Variants in KIF25 observed in about 807,000 individuals in gnomAD.
KIF25 encodes the protein kinesin family member 25.
Under a neutral mutation model 32.9 loss-of-function variants are expected in KIF25, and 19 were observed. The ratio of observed to expected loss-of-function variants is 0.58; its 90% CI spans 0.40 to 0.85. The LOEUF is 0.85. Among genes scored for constraint, KIF25 ranks in the 40% least tolerant of loss-of-function variants. The pLI is 0.00. For synonymous variants in KIF25, 225 were observed against 213.7 expected (o/e 1.05, Z -0.46); for missense variants, 485 against 507.0 (o/e 0.96, Z 0.42).
intron 5 of KIF25, among the ~76,000 whole-genome samples, chr6:168,022,001 T>C (rs1227380662): frequency 6.6e-6 from 1 of 152,262 alleles, no homozygotes; most frequent in Non-Finnish European, 1.5e-5. Flanking sequence ...TTTGTTTGTT[T>C]TATTTTATTT....
intron 10 of KIF25, among the ~76,000 whole-genome samples, chr6:168,040,674 T>A (rs1799106391): frequency 6.6e-6 from 1 of 151,932 alleles, no homozygotes; most frequent in African/African-American, 2.4e-5. Flanking sequence ...AGTATCTGCA[T>A]CCCAAACCCA....
rs200153522 is a variant in KIF25, at chr6:168,029,689, C to T, written c.92+12C>T. The T allele has an allele frequency of 1.0e-5, 16 of 1,600,584 alleles. No individual in the cohort carries two copies. In the East Asian group the frequency reaches 1.6e-4, roughly 16 times the overall value. On this transcript the variant is annotated intron_variant, in intron 6 of 12. Coordinates refer to ENST00000643607, the MANE Select transcript of KIF25 (RefSeq NM_030615.4). ...GACAAGGACCTCAGGTCAGCTTCAG[C>T]GTGAGAAGCAGGCCAGGCCTGGGTC...
chr6:168,044,886 C>A lies in KIF25; in HGVS notation c.1045C>A (p.Gln349Lys), dbSNP rs376496037. The A allele has an allele frequency of 5.0e-6, 8 of 1,612,774 alleles. No homozygotes were observed. Among genetic ancestry groups the A allele is most frequent in the African/African-American group, 2.7e-5 (2 of 75,042 alleles). The change falls in exon 13 of 13, where the codon CAG (glutamine) becomes AAG (lysine). Residue 349 changes from glutamine to lysine, a missense_variant. Physicochemically the swap from Gln to Lys is moderately conservative, Grantham distance 53. Around this residue, in one of 2 missense-constraint regions of KIF25, gnomAD observed 480 missense variants for 470.3 expected, o/e 1.02. Transcript: ENST00000643607. ...CISPSQRHLA[Q>K]TLQGLGFGIR... ...TTCTCCCAGCCAGAGGCACCTGGCA[C>A]AGACGTTGCAGGGCCTGGGTTTCGG...
intron 4 of KIF25, among the ~76,000 whole-genome samples, chr6:168,011,486 A>AT (rs1159065259): frequency 6.6e-6 from 1 of 151,948 alleles, no homozygotes; most frequent in Non-Finnish European, 1.5e-5. Flanking sequence ...TGGCTGAATT[A>AT]TTTTTTTCTT....
In KIF25 at chr6:168,044,812, T is replaced by C. The variant is rs1022837831; in HGVS notation, c.986-15T>C. 2.0e-5 allele frequency: 32 copies of C among 1,565,598 alleles called. No homozygotes were observed. Among genetic ancestry groups the C allele is most frequent in the Non-Finnish European group, 2.7e-5 (31 of 1,152,036 alleles). On this transcript the variant is annotated splice_polypyrimidine_tract_variant and intron_variant, in intron 12 of 12. Coordinates refer to ENST00000643607, the MANE Select transcript of KIF25 (RefSeq NM_030615.4). The stretch of plus-strand genomic sequence containing the variant: ...CTCTTCTTTCCAGCTTGCATGTTGT[T>C]TTTCTATTTTAAAGGAGGCGATGCG...
At chr6:168,023,274 T>C (rs1483320341) in intron 5 of KIF25, among the ~76,000 whole-genome samples, 1 of 147,484 alleles carries the variant, frequency 6.8e-6, no homozygotes, top group East Asian at 2.0e-4. Context: ...TCTTCCTTTT[T>C]TTTTTTTTTT....
Position 168,044,924 on chromosome 6 carries a change from G to A in KIF25, c.1083G>A (p.Arg361=). 1 of 1,613,088 alleles carries A rather than the reference G, an allele frequency of 6.2e-7. No homozygotes were observed. The highest frequency in any genetic ancestry group is 8.5e-7 in the Non-Finnish European group (1 of 1,179,276). Residue 361 remains arginine, a synonymous_variant, in exon 13 of 13, where the codon CGG becomes CGA. Coordinates refer to ENST00000643607, the MANE Select transcript of KIF25 (RefSeq NM_030615.4). ...GCCTGGGTTTCGGGATCCGAGCTCG[G>A]CAAGTCCAGCGAGGCCCTGCCCGAA... ...LQGLGFGIRA[R]QVQRGPARKK...
Position 168,040,159 on chromosome 6 carries a change from A to G in KIF25, c.589A>G (p.Arg197Gly), listed in dbSNP as rs201995929. ...HPTLVHADSS[R>G]SHLIITVTLT... ...CACCCTGGTGCACGCGGATTCCTCC[A>G]GGTCTCACCTGATAATTACGGTGAC... The change falls in exon 10 of 13, where the codon AGG becomes GGG. Residue 197 changes from arginine to glycine, a missense_variant. Around this residue, in one of 2 missense-constraint regions of KIF25, gnomAD observed 480 missense variants for 470.3 expected, o/e 1.02. Transcript: ENST00000643607. 318 of 1,614,088 alleles carry G rather than the reference A, an allele frequency of 2.0e-4. 1 individual carries two copies. In the East Asian group the frequency reaches 7.0e-3, roughly 36 times the overall value.
intron 4 of KIF25, among the ~76,000 whole-genome samples, chr6:168,015,536 C>A (rs923688422): frequency 1.3e-5 from 2 of 152,186 alleles, no homozygotes; most frequent in African/African-American, 2.4e-5. Flanking sequence ...GGCCATGCGT[C>A]CCCCATGCAG....
intron 7 of KIF25, among the ~76,000 whole-genome samples, chr6:168,032,256 G>T (rs1329182524): frequency 6.6e-6 from 1 of 152,234 alleles, no homozygotes; most frequent in African/African-American, 2.4e-5. Flanking sequence ...CATTCAGATG[G>T]CTGGGGGGCC....
At position 167,998,875 on chromosome 6, in the gene KIF25, A is replaced by T. The variant is rs950811116; in HGVS notation, c.-599+5A>T. On this transcript the variant is annotated splice_donor_5th_base_variant and intron_variant, in intron 1 of 12. Transcript: ENST00000643607. ...GAGACCAGCTTGGCCAACATGGTAAAAACCCTTCTGTACTAAAAATACAAA... is the reference window on the plus strand; with the variant it reads ...GAGACCAGCTTGGCCAACATGGTAATAACCCTTCTGTACTAAAAATACAAA... 4.6e-5 allele frequency: 7 copies of T among 152,134 alleles called. No homozygotes were observed. The highest frequency in any genetic ancestry group is 1.7e-4 in the African/African-American group (7 of 41,418). The allele number at this position is 152,134 out of a possible 1,614,324, so 9.4% of individuals were successfully genotyped here.
chr6:168,044,971 C>A lies in KIF25; in HGVS notation c.1130C>A (p.Thr377Lys). 1 of 1,605,144 alleles carries A rather than the reference C, an allele frequency of 6.2e-7. No homozygotes were observed. Residue 377 changes from threonine (T) to lysine (K), a missense_variant, in exon 13 of 13, where the codon ACG (threonine) becomes AAG (lysine). Transcript: ENST00000643607. ...CGAAAGAAGCCGCCCAGCTCCCAAACGGAGGGGAAGAGGAGGCCGGATTGA... is the reference window on the plus strand; with the variant it reads ...CGAAAGAAGCCGCCCAGCTCCCAAAAGGAGGGGAAGAGGAGGCCGGATTGA... ...PARKKPPSSQTEGKRRPD is the reference protein window; with the variant it reads ...PARKKPPSSQKEGKRRPD
At chr6:168,032,115 A>G (rs1263321107) in intron 7 of KIF25, among the ~76,000 whole-genome samples, 1 of 151,778 alleles carries the variant, frequency 6.6e-6, no homozygotes, top group Non-Finnish European at 1.5e-5. Flanking sequence ...GATGTTTCTT[A>G]TCAGATGTAA....
At chr6:168,019,500 G>A (rs1798759474) in intron 5 of KIF25, among the ~76,000 whole-genome samples, 1 of 152,160 alleles carries the variant, frequency 6.6e-6, no homozygotes, top group East Asian at 1.9e-4. Flanking sequence ...CGTACTGGTT[G>A]GGATGCAGGA....
At chr6:168,021,692 C>T (rs556888517) in intron 5 of KIF25, among the ~76,000 whole-genome samples, 217 of 152,334 alleles carry the variant, frequency 1.4e-3, no homozygotes, top group Non-Finnish European at 2.5e-3. Flanking sequence ...TTGCCTGTCT[C>T]CCCTCCCTCA....
intron 5 of KIF25, among the ~76,000 whole-genome samples, chr6:168,027,658 G>A (rs911679349): frequency 3.3e-5 from 5 of 152,120 alleles, no homozygotes; most frequent in African/African-American, 7.2e-5. Flanking sequence ...CACTGGCACC[G>A]GGACCGCCCC....
intron 6 of KIF25, 90 bp from the exon 7 acceptor site, chr6:168,030,683 G>T: frequency 1.2e-6 from 1 of 863,748 alleles, no homozygotes; most frequent in South Asian, 1.6e-5. Context: ...GGAAGTACAC[G>T]GGGCGTTGTG....
chr6:168,020,470 T>TA (rs77182863), intron 5 of KIF25, among the ~76,000 whole-genome samples: 1,894 of 144,774 alleles, frequency 0.013, 22 homozygotes, highest in African/African-American at 0.028. Flanking sequence ...TTTTTCTTAT[T>TA]AAAAAAAAAA....
intron 5 of KIF25, among the ~76,000 whole-genome samples, chr6:168,019,484 C>T (rs1299699803): frequency 6.6e-6 from 1 of 152,014 alleles, no homozygotes; most frequent in African/African-American, 2.4e-5. Flanking sequence ...ATAGAGGAGA[C>T]GCGAACGTAC....
Sources: allele counts gnomAD v4.1 joint callset (sites outside exome capture counted in the v4.1 genomes callset), GRCh38; gene constraint gnomAD v4.1.1; regional missense constraint gnomAD v4.1.1; transcripts MANE v1.5; gene names NCBI Gene and HGNC (gene_info 2026-07-23, HGNC 2026-07-21).